The following PID1 variants were observed in gnomAD, a reference collection of about 807,000 sequenced individuals.
PID1 encodes the protein phosphotyrosine interaction domain containing 1, also known as PTB-containing, cubilin and LRP1-interacting protein.
A neutral mutation model predicts 19.1 loss-of-function variants in PID1; 10 were observed. The ratio of observed to expected loss-of-function variants is 0.52; its 90% CI spans 0.32 to 0.89. The LOEUF (loss-of-function observed/expected upper bound fraction) is 0.89. PID1 is among the 40% of genes least tolerant of loss of function. The pLI is 0.03. For missense variants in PID1, 248 were observed against 285.3 expected, an observed-to-expected ratio of 0.87 and a Z score of 0.94; for synonymous variants, 130 against 116.0, an observed-to-expected ratio of 1.12 and a Z score of -0.78.
chr2:229,054,892 A>G (rs976337742), intron 2 of PID1, among the ~76,000 whole-genome samples: 6 of 152,276 alleles, frequency 3.9e-5, no homozygotes, highest in African/African-American at 1.4e-4. Flanking sequence ...TGTTCATTTC[A>G]TATCTGTATA....
intron 2 of PID1, among the ~76,000 whole-genome samples, chr2:229,106,937 G>T (rs1010836491): frequency 6.6e-6 from 1 of 152,180 alleles, no homozygotes; most frequent in Non-Finnish European, 1.5e-5. Context: ...GGTCTTTGCA[G>T]ATGTAACTGA....
chr2:229,068,014 A>T (rs1342988352), intron 2 of PID1, among the ~76,000 whole-genome samples: 1 of 152,198 alleles, frequency 6.6e-6, no homozygotes, highest in Non-Finnish European at 1.5e-5. Flanking sequence ...CCAGGGCTAC[A>T]GTCTCCCTCT....
intron 1 of PID1, among the ~76,000 whole-genome samples, chr2:229,171,320 T>C (rs1690708546): frequency 6.6e-6 from 1 of 152,184 alleles, no homozygotes; most frequent in Admixed American, 6.5e-5. Flanking sequence ...TGCCAGAGCT[T>C]TGGCAAGCCA....
At chr2:229,180,450 G>C (rs2106218064) in intron 1 of PID1, among the ~76,000 whole-genome samples, 1 of 152,262 alleles carries the variant, frequency 6.6e-6, no homozygotes, top group Admixed American at 6.5e-5. Flanking sequence ...AAATGTCAAT[G>C]TAACTAAGAA....
At chr2:229,141,484 T>G (rs555519293) in intron 2 of PID1, among the ~76,000 whole-genome samples, 1 of 152,110 alleles carries the variant, frequency 6.6e-6, no homozygotes, top group Non-Finnish European at 1.5e-5. Flanking sequence ...CACCACCTCA[T>G]GAATAGACTA....
intron 2 of PID1, among the ~76,000 whole-genome samples, chr2:229,032,175 G>A: frequency 6.6e-6 from 1 of 152,120 alleles, no homozygotes; most frequent in East Asian, 1.9e-4. Flanking sequence ...CTGTATATGG[G>A]CCATTATACC....
intron 2 of PID1, among the ~76,000 whole-genome samples, chr2:229,085,953 T>A (rs1173912735): frequency 3.3e-5 from 5 of 152,040 alleles, no homozygotes; most frequent in African/African-American, 9.7e-5. Flanking sequence ...ATATTCAGAT[T>A]AACAACATTT....
chr2:229,266,702 C>A (rs965454393), intron 1 of PID1, among the ~76,000 whole-genome samples: 1 of 152,214 alleles, frequency 6.6e-6, no homozygotes, highest in Admixed American at 6.5e-5. Context: ...GGCCAAATCA[C>A]TTCGACTCTC....
chr2:229,180,433 A>C (rs1268769600), intron 1 of PID1, among the ~76,000 whole-genome samples: 2 of 152,196 alleles, frequency 1.3e-5, no homozygotes, highest in Non-Finnish European at 2.9e-5. Context: ...GGAAAAAAAA[A>C]GTCTCAAAAT....
chr2:229,163,580 T>C (rs1690532393), intron 1 of PID1, among the ~76,000 whole-genome samples: 2 of 148,554 alleles, frequency 1.3e-5, no homozygotes, highest in Admixed American at 6.7e-5. Context: ...CCAAGGAGTA[T>C]GCAAAAGCCC....
chr2:229,116,714 G>A (rs931948460), intron 2 of PID1, among the ~76,000 whole-genome samples: 4 of 152,162 alleles, frequency 2.6e-5, no homozygotes, highest in Admixed American at 6.5e-5. Context: ...AGAACTGTGA[G>A]TCAGTTAAAC....
intron 2 of PID1, among the ~76,000 whole-genome samples, chr2:229,046,445 T>A (rs1036277795): frequency 1.3e-5 from 2 of 150,996 alleles, no homozygotes; most frequent in Non-Finnish European, 2.9e-5. Flanking sequence ...GTAAAAAAAA[T>A]TTAAAACATG....
intron 1 of PID1, among the ~76,000 whole-genome samples, chr2:229,195,811 T>C (rs1691366287): frequency 6.6e-6 from 1 of 152,088 alleles, no homozygotes; most frequent in Admixed American, 6.6e-5. Flanking sequence ...CCTGAGATTA[T>C]GTCTTTTTAC....
At chr2:229,246,805 G>A (rs764686341) in intron 1 of PID1, among the ~76,000 whole-genome samples, 12 of 152,070 alleles carry the variant, frequency 7.9e-5, no homozygotes, top group Non-Finnish European at 1.2e-4. Flanking sequence ...CTGCACATCC[G>A]GTCTCCAGCT....
chr2:229,251,332 C>A (rs1559303329), intron 1 of PID1, among the ~76,000 whole-genome samples: 1 of 151,670 alleles, frequency 6.6e-6, no homozygotes, highest in East Asian at 1.9e-4. Context: ...TAACAGTGGC[C>A]TGGAAGTAAT....
chr2:229,178,011 G>C (rs4973173), intron 1 of PID1, among the ~76,000 whole-genome samples: 2 of 151,794 alleles, frequency 1.3e-5, no homozygotes, highest in African/African-American at 4.8e-5. Flanking sequence ...TCTTTCCAGA[G>C]TGTCTGTCAG....
At chr2:229,073,207 A>G (rs533854471) in intron 2 of PID1, among the ~76,000 whole-genome samples, 4 of 152,068 alleles carry the variant, frequency 2.6e-5, no homozygotes, top group Admixed American at 2.6e-4. Context: ...TTGTATTTTT[A>G]GTAGAGATGG....
At chr2:229,040,149 T>C (rs907463405) in intron 2 of PID1, among the ~76,000 whole-genome samples, 4 of 146,384 alleles carry the variant, frequency 2.7e-5, no homozygotes, top group East Asian at 4.0e-4. Flanking sequence ...CTGGGCACAG[T>C]GGCTCACGCC....
intron 2 of PID1, among the ~76,000 whole-genome samples, chr2:229,043,530 G>A (rs781165811): frequency 1.4e-4 from 22 of 152,200 alleles, no homozygotes; most frequent in African/African-American, 3.4e-4. Flanking sequence ...ATTTTGAGAC[G>A]AACGGCTACT....
Sources: gnomAD v4.1 joint callset for allele counts (sites outside exome capture counted in the v4.1 genomes callset) on GRCh38, gnomAD v4.1.1 for gene constraint, MANE v1.5 for transcripts, NCBI Gene and HGNC (gene_info 2026-07-23, HGNC 2026-07-21) for gene names.